SORCS3: variants seen among roughly 807,000 people sequenced by gnomAD.
SORCS3 encodes sortilin related VPS10 domain containing receptor 3.
Under a neutral mutation model 146.3 loss-of-function variants are expected in SORCS3, and 57 were observed. The ratio of observed to expected loss-of-function variants is 0.39; its 90% CI spans 0.31 to 0.49. The LOEUF (loss-of-function observed/expected upper bound fraction) is 0.49. Among genes scored for constraint, SORCS3 ranks in the 20% least tolerant of loss-of-function variants. The probability of loss-of-function intolerance (pLI) is 0.92; values close to 1 mark genes in which losing one functional copy is unlikely to be tolerated. For synonymous variants in SORCS3, 653 were observed against 618.5 expected (o/e 1.06, Z -0.83); for missense variants, 1,341 against 1,575.5 (o/e 0.85, Z 2.52).
At chr10:105,159,317 T>C (rs1379104069) in intron 11 of SORCS3, among the ~76,000 whole-genome samples, 2 of 152,162 alleles carry the variant, frequency 1.3e-5, no homozygotes, top group Non-Finnish European at 2.9e-5. Context: ...TAAGAAAACA[T>C]GATATATGAA....
chr10:104,796,649 T>C (rs558929115), intron 1 of SORCS3, among the ~76,000 whole-genome samples: 81 of 152,238 alleles, frequency 5.3e-4, no homozygotes, highest in Non-Finnish European at 9.0e-4. Context: ...TAAAAAAGAA[T>C]AGCCAATTTA....
At chr10:104,740,189 T>A (rs897781223) in intron 1 of SORCS3, among the ~76,000 whole-genome samples, 2 of 152,248 alleles carry the variant, frequency 1.3e-5, no homozygotes, top group Non-Finnish European at 2.9e-5. Context: ...CAGTCAAAAT[T>A]AATTATTTAT....
intron 3 of SORCS3, among the ~76,000 whole-genome samples, chr10:104,969,252 T>A (rs1014410648): frequency 2.0e-5 from 3 of 151,822 alleles, no homozygotes; most frequent in East Asian, 1.9e-4. Context: ...GAAATTGAGA[T>A]GAGTGAAGCT....
chr10:105,211,502 G>T (rs543672661), intron 17 of SORCS3, among the ~76,000 whole-genome samples: 18 of 152,240 alleles, frequency 1.2e-4, no homozygotes, highest in Non-Finnish European at 1.9e-4. Context: ...TACTGTTTTG[G>T]TTAATCCTTC....
At chr10:104,726,338 G>T (rs970787048) in intron 1 of SORCS3, among the ~76,000 whole-genome samples, 11 of 152,148 alleles carry the variant, frequency 7.2e-5, no homozygotes, top group Admixed American at 7.2e-4. Flanking sequence ...TCCTATGAGG[G>T]CACTTGTTTG....
rs1355657823 is a variant in SORCS3, at chr10:104,664,001, T to G, written c.627+22047T>G. Reference sequence around the variant, plus strand: ...CATGGACAAGGAGAATGACAGGATATATGGGCACACAGAGATGCCTCTGTA... The same window carrying G: ...CATGGACAAGGAGAATGACAGGATAGATGGGCACACAGAGATGCCTCTGTA... On this transcript the variant is annotated intron_variant, in intron 1 of 26. Transcript: ENST00000369701. Among the ~76,000 whole-genome samples the G allele has an allele frequency of 2.6e-5, 4 of 152,158 alleles. No individual in the cohort carries two copies. In the East Asian group the frequency reaches 7.7e-4, roughly 29 times the overall value.
At chr10:105,222,204 G>A (rs1001749640) in intron 19 of SORCS3, among the ~76,000 whole-genome samples, 3 of 151,686 alleles carry the variant, frequency 2.0e-5, no homozygotes, top group Admixed American at 6.6e-5. Flanking sequence ...GATTAAAAGC[G>A]GCTGCCACCA....
At chr10:105,061,711 C>T (rs1313869963) in intron 5 of SORCS3, among the ~76,000 whole-genome samples, 1 of 151,522 alleles carries the variant, frequency 6.6e-6, no homozygotes, top group East Asian at 1.9e-4. Context: ...AACACCACCA[C>T]CTTTGAGGAA....
intron 2 of SORCS3, among the ~76,000 whole-genome samples, chr10:104,864,554 T>C (rs957998784): frequency 6.6e-5 from 10 of 152,294 alleles, no homozygotes; most frequent in African/African-American, 2.4e-4. Flanking sequence ...TGATATTCTC[T>C]CTCTTTCATG....
intron 3 of SORCS3, among the ~76,000 whole-genome samples, chr10:104,938,038 G>T (rs1197421715): frequency 2.6e-5 from 4 of 152,168 alleles, no homozygotes; most frequent in Admixed American, 1.3e-4. Flanking sequence ...TGATTTTGCT[G>T]AAGTTTAATG....
chr10:105,024,207 C>T lies in SORCS3; in HGVS notation c.955-18848C>T, dbSNP rs560586141. Among the ~76,000 whole-genome samples, 3 of 152,324 alleles carry T rather than the reference C, an allele frequency of 2.0e-5. No homozygotes were observed. In the South Asian group the frequency reaches 6.2e-4, roughly 32 times the overall value. On this transcript the variant is annotated intron_variant, in intron 4 of 26. Coordinates refer to ENST00000369701, the MANE Select transcript of SORCS3 (RefSeq NM_014978.3). Reference sequence around the variant, plus strand: ...CTGTATTGTTTGTGATATTCAATAACACAAAAGTAAACTGTGAGTGAGAGT... The same window carrying T: ...CTGTATTGTTTGTGATATTCAATAATACAAAAGTAAACTGTGAGTGAGAGT...
chr10:104,652,327 T>A (rs1264639159), intron 1 of SORCS3, among the ~76,000 whole-genome samples: 1 of 152,194 alleles, frequency 6.6e-6, no homozygotes, highest in Non-Finnish European at 1.5e-5. Flanking sequence ...TTGCAAAAAT[T>A]GGTGCAGCCC....
At chr10:105,241,193 C>T (rs1480376687) in intron 20 of SORCS3, among the ~76,000 whole-genome samples, 1 of 152,166 alleles carries the variant, frequency 6.6e-6, no homozygotes, top group East Asian at 1.9e-4. Context: ...TTCTTGGCCC[C>T]TTCACTGAAC....
intron 1 of SORCS3, among the ~76,000 whole-genome samples, chr10:104,656,077 G>T (rs1355230027): frequency 6.6e-6 from 1 of 152,176 alleles, no homozygotes; most frequent in Admixed American, 6.5e-5. Flanking sequence ...GCAGTGCTCT[G>T]ATTGAGAGGT....
chr10:105,062,756 C>A (rs2055496510), intron 5 of SORCS3, among the ~76,000 whole-genome samples: 1 of 152,176 alleles, frequency 6.6e-6, no homozygotes, highest in African/African-American at 2.4e-5. Context: ...GTACTGAACC[C>A]CACCCTTGAT....
chr10:104,704,717 G>C (rs1272397127), intron 1 of SORCS3, among the ~76,000 whole-genome samples: 1 of 152,160 alleles, frequency 6.6e-6, no homozygotes. Context: ...GCAGATCCTT[G>C]CATCGTGCCT....
At chr10:104,719,810 G>C (rs2016523369) in intron 1 of SORCS3, among the ~76,000 whole-genome samples, 1 of 152,156 alleles carries the variant, frequency 6.6e-6, no homozygotes, top group South Asian at 2.1e-4. Context: ...TTATGTGAAT[G>C]AGAATTATGC....
chr10:105,069,163 AC>A (rs1471165226), intron 5 of SORCS3, among the ~76,000 whole-genome samples: 1 of 152,042 alleles, frequency 6.6e-6, no homozygotes, highest in African/African-American at 2.4e-5. Flanking sequence ...CTCCACCCAT[AC>A]CCCACACCAA....
chr10:105,085,383 A>G (rs2055653662), intron 5 of SORCS3, among the ~76,000 whole-genome samples: 2 of 152,172 alleles, frequency 1.3e-5, no homozygotes, highest in African/African-American at 4.8e-5. Context: ...TTATTTTACT[A>G]TACCTCTGGC....
Sources: gnomAD v4.1 joint callset for allele counts (sites outside exome capture counted in the v4.1 genomes callset) on GRCh38, gnomAD v4.1.1 for gene constraint, MANE v1.5 for transcripts, NCBI Gene and HGNC (gene_info 2026-07-23, HGNC 2026-07-21) for gene names.